The following ADAMTS18 variants were observed in gnomAD, a reference collection of about 807,000 sequenced individuals.
ADAMTS18 encodes the protein ADAM metallopeptidase with thrombospondin type 1 motif 18, also known as A disintegrin and metalloproteinase with thrombospondin motifs 18.
In ADAMTS18, 157 loss-of-function variants were observed where a neutral mutation model predicts 165.9. The observed-to-expected ratio is 0.95, with a 90% CI of 0.83 to 1.08. The LOEUF (loss-of-function observed/expected upper bound fraction) is 1.08, where lower values mean the gene tolerates loss of function less well. Among genes scored for constraint, ADAMTS18 ranks in the 50% least tolerant of loss-of-function variants. The pLI is 0.00. For missense variants in ADAMTS18, 2,040 were observed against 1,534.0 expected (o/e 1.33, Z -5.51); for synonymous variants, 782 against 578.2 (o/e 1.35, Z -5.06).
At chr16:77,362,591 T>C (rs1411403781) in intron 6 of ADAMTS18, among the ~76,000 whole-genome samples, 1 of 152,236 alleles carries the variant, frequency 6.6e-6, no homozygotes, top group Admixed American at 6.5e-5. Flanking sequence ...AATAAATTAA[T>C]GATGAAGTTC....
intron 4 of ADAMTS18, among the ~76,000 whole-genome samples, chr16:77,366,065 A>C (rs2056788829): frequency 6.6e-6 from 1 of 152,230 alleles, no homozygotes; most frequent in South Asian, 2.1e-4. Flanking sequence ...CAATAATACC[A>C]AAAACTCAAA....
intron 11 of ADAMTS18, among the ~76,000 whole-genome samples, chr16:77,338,223 T>C (rs2056341556): frequency 6.6e-6 from 1 of 151,890 alleles, no homozygotes. Context: ...CATACATACA[T>C]ATTTTTCTTT....
chr16:77,384,820 T>C (rs7199128), intron 3 of ADAMTS18, among the ~76,000 whole-genome samples: 1,212 of 106,268 alleles, frequency 0.011, 17 homozygotes, highest in African/African-American at 0.042. Flanking sequence ...CCATTTTTGC[T>C]TCAGATTTTT....
In ADAMTS18 at chr16:77,307,136, T is replaced by A. The variant is rs536254485; in HGVS notation, c.2533-6732A>T. Among the ~76,000 whole-genome samples the A allele has an allele frequency of 5.9e-5, 9 of 152,388 alleles. No homozygotes were observed. In the South Asian group the frequency reaches 1.9e-3, roughly 32 times the overall value. On this transcript the variant is annotated intron_variant, in intron 16 of 22. Coordinates refer to ENST00000282849, the MANE Select transcript of ADAMTS18 (RefSeq NM_199355.4). ...ATCAATTTTCCCCTGGATTTATTTA[T>A]AATCATTGTTTTAACAACTGAAATA...
At chr16:77,359,672 G>T (rs568146697) in intron 7 of ADAMTS18, among the ~76,000 whole-genome samples, 1 of 152,126 alleles carries the variant, frequency 6.6e-6, no homozygotes, top group East Asian at 1.9e-4. Context: ...TAAGAGCCCT[G>T]TAAGGTCAGT....
chr16:77,337,924 A>ATTC (rs2056335980), intron 11 of ADAMTS18, among the ~76,000 whole-genome samples: 1 of 114,114 alleles, frequency 8.8e-6, no homozygotes. Flanking sequence ...TTTTTTTTTG[A>ATTC]CAAAGTTTCA....
intron 14 of ADAMTS18, among the ~76,000 whole-genome samples, chr16:77,322,107 ATCGCACCATTGCAC>A (rs1463298222): frequency 6.7e-6 from 1 of 150,216 alleles, no homozygotes; most frequent in Non-Finnish European, 1.5e-5. Context: ...GTGAGCTAAG[ATCGCACCATTGCAC>A]TCCAGCCTGG....
At position 77,326,081 on chromosome 16, in the gene ADAMTS18, G is replaced by T. The variant is rs759430440; in HGVS notation, c.1860-43C>A. On this transcript the variant is annotated intron_variant, in intron 12 of 22. Transcript: ENST00000282849. ...GAACTTTAATGTTAGTAATCAAAGGGCTCATTATTAGTCACATGCAATAAT... is the reference window on the plus strand; with the variant it reads ...GAACTTTAATGTTAGTAATCAAAGGTCTCATTATTAGTCACATGCAATAAT... The T allele has an allele frequency of 1.9e-6, 3 of 1,577,800 alleles. No individual in the cohort carries two copies. The Admixed American group carries it at 5.1e-5, about 27-fold the overall frequency.
intron 3 of ADAMTS18, among the ~76,000 whole-genome samples, chr16:77,374,926 G>T (rs1038523314): frequency 6.6e-6 from 1 of 151,968 alleles, no homozygotes. Flanking sequence ...TTATTTTTCT[G>T]CTTTAGTTTG....
At chr16:77,331,993 C>A (rs888702446) in intron 12 of ADAMTS18, among the ~76,000 whole-genome samples, 1 of 152,186 alleles carries the variant, frequency 6.6e-6, no homozygotes, top group Non-Finnish European at 1.5e-5. Flanking sequence ...CTCAATTCAC[C>A]AAATAGTTAC....
chr16:77,314,209 G>C (rs1392089758), intron 16 of ADAMTS18, among the ~76,000 whole-genome samples: 1 of 152,110 alleles, frequency 6.6e-6, no homozygotes, highest in East Asian at 1.9e-4. Context: ...CAACGATCAA[G>C]GCTGCAAACT....
At chr16:77,350,696 G>C (rs2056543223) in intron 10 of ADAMTS18, among the ~76,000 whole-genome samples, 1 of 152,156 alleles carries the variant, frequency 6.6e-6, no homozygotes, top group South Asian at 2.1e-4. Context: ...CCTCAATCTT[G>C]ACTGAGCATC....
At chr16:77,311,189 G>T (rs2055773361) in intron 16 of ADAMTS18, among the ~76,000 whole-genome samples, 1 of 152,134 alleles carries the variant, frequency 6.6e-6, no homozygotes, top group Non-Finnish European at 1.5e-5. Context: ...TCATCATAAG[G>T]ACTTAGTGAA....
chr16:77,426,282 A>AT (rs1328707430), intron 3 of ADAMTS18, among the ~76,000 whole-genome samples: 8 of 152,230 alleles, frequency 5.3e-5, no homozygotes, highest in African/African-American at 1.9e-4. Context: ...TATAGTATCT[A>AT]TTTTGGGTAC....
At chr16:77,381,530 G>A (rs1311906344) in intron 3 of ADAMTS18, among the ~76,000 whole-genome samples, 1 of 151,982 alleles carries the variant, frequency 6.6e-6, no homozygotes, top group Admixed American at 6.6e-5. Context: ...TCGGCTGGGT[G>A]GGGTGGCTCA....
At chr16:77,386,859 G>C (rs572881765) in intron 3 of ADAMTS18, among the ~76,000 whole-genome samples, 3 of 152,216 alleles carry the variant, frequency 2.0e-5, no homozygotes, top group Non-Finnish European at 2.9e-5. Context: ...AGTTGGAATA[G>C]AAGCATAGTT....
chr16:77,425,988 G>A (rs1216433693), intron 3 of ADAMTS18, among the ~76,000 whole-genome samples: 1 of 152,066 alleles, frequency 6.6e-6, no homozygotes. Context: ...AGAGGTTGCA[G>A]TGGGCCGAGA....
chr16:77,430,177 A>AAACAAAC lies in ADAMTS18; in HGVS notation c.495+1117_495+1118insGTTTGTT, dbSNP rs564171222. 6.3e-4 allele frequency among the ~76,000 whole-genome samples: 85 copies of AAACAAAC among 135,906 alleles called. No homozygotes were observed. In the East Asian group the frequency reaches 8.0e-3, roughly 13 times the overall value. 89.2% of individuals were successfully genotyped at this position (135,906 alleles called of 152,430 possible). ...ACAAACAAACAAACAAACAAACAAA[A>AAACAAAC]AAACAAGATATAGTCATGTGTGCAC... On this transcript the variant is annotated intron_variant, in intron 3 of 22. Coordinates refer to ENST00000282849, the MANE Select transcript of ADAMTS18 (RefSeq NM_199355.4).
At chr16:77,426,495 T>C (rs890065154) in intron 3 of ADAMTS18, among the ~76,000 whole-genome samples, 32 of 152,196 alleles carry the variant, frequency 2.1e-4, no homozygotes, top group African/African-American at 7.5e-4. Context: ...GGCAATAACT[T>C]CACCAGCTCC....
Sources: gnomAD v4.1 joint callset for allele counts (sites outside exome capture counted in the v4.1 genomes callset) on GRCh38, gnomAD v4.1.1 for gene constraint, MANE v1.5 for transcripts, NCBI Gene and HGNC (gene_info 2026-07-23, HGNC 2026-07-21) for gene names.